The following KCNQ1 variants were observed in gnomAD, a reference collection of about 807,000 sequenced individuals.
KCNQ1 encodes the protein potassium voltage-gated channel subfamily KQT member 1.
Under a neutral mutation model 72.4 loss-of-function variants are expected in KCNQ1, and 49 were observed. The ratio of observed to expected loss-of-function variants is 0.68; its 90% CI spans 0.54 to 0.86. The LOEUF is 0.86. KCNQ1 is among the 40% of genes least tolerant of loss of function. KCNQ1 has a pLI of 0.00. For synonymous variants in KCNQ1, 450 were observed against 412.6 expected (o/e 1.09, Z -1.10); for missense variants, 790 against 945.1 (o/e 0.84, Z 2.15).
intron 15 of KCNQ1, among the ~76,000 whole-genome samples, chr11:2,791,707 G>A (rs1393574598): frequency 1.3e-5 from 2 of 152,080 alleles, no homozygotes. Context: ...GGGTGGGGGT[G>A]GGGGGCCCGG....
chr11:2,623,429 T>C lies in KCNQ1; in HGVS notation c.1393+34575T>C, dbSNP rs1849207088. ...ACTCTGTGCACTGCCTATTCAACCC[T>C]TCTTCCCCAACAACCCTTGGCAACC... is the stretch of plus-strand genomic sequence containing the variant. On this transcript the variant is annotated intron_variant, in intron 10 of 15. Coordinates refer to ENST00000155840, the MANE Select transcript of KCNQ1 (RefSeq NM_000218.3). The surrounding 1 kb of genome is among the most constrained non-coding windows in gnomAD (Gnocchi z 5.2). 1 of 398,510 alleles carries C rather than the reference T, an allele frequency of 2.5e-6. No individual in the cohort carries two copies. Among genetic ancestry groups the C allele is most frequent in the Non-Finnish European group, 4.4e-6 (1 of 226,080 alleles). 24.7% of individuals were successfully genotyped at this position (398,510 alleles called of 1,614,324 possible).
Position 2,783,635 on chromosome 11 carries a change from A to G in KCNQ1, c.1794+5598A>G, listed in dbSNP as rs905178914. Among the ~76,000 whole-genome samples, 1 of 152,078 alleles carries G rather than the reference A, an allele frequency of 6.6e-6. No individual in the cohort carries two copies. The highest frequency in any genetic ancestry group is 1.5e-5 in the Non-Finnish European group (1 of 67,896). On this transcript the variant is annotated intron_variant, in intron 15 of 15. Coordinates refer to ENST00000155840, the MANE Select transcript of KCNQ1 (RefSeq NM_000218.3). The surrounding 1 kb of genome is among the most constrained non-coding windows in gnomAD (Gnocchi z 5.2). ...TTGCTTTCTCACCAGTAAAGTATAA[A>G]GGTTCCACTTTCTCCACAGCCTTGC...
chr11:2,745,778 C>T lies in KCNQ1; in HGVS notation c.1515-23066C>T, dbSNP rs867043826. 3.9e-5 allele frequency among the ~76,000 whole-genome samples: 6 copies of T among 152,262 alleles called. No individual in the cohort carries two copies. The highest frequency in any genetic ancestry group is 1.4e-4 in the African/African-American group (6 of 41,470). Reference sequence around the variant, plus strand: ...GCGTGCCTTGGAGAAGGCCGCTCAGCGAGGGCCGCCTTCAGGCCTGAGCCC... The same window carrying T: ...GCGTGCCTTGGAGAAGGCCGCTCAGTGAGGGCCGCCTTCAGGCCTGAGCCC... On this transcript the variant is annotated intron_variant, in intron 11 of 15. Coordinates refer to ENST00000155840, the MANE Select transcript of KCNQ1 (RefSeq NM_000218.3). The surrounding 1 kb of genome is among the most constrained non-coding windows in gnomAD (Gnocchi z 6.2).
In KCNQ1 at chr11:2,565,192, C is replaced by G. The variant is rs899307776; in HGVS notation, c.478-5436C>G. Among the ~76,000 whole-genome samples, 1 of 152,152 alleles carries G rather than the reference C, an allele frequency of 6.6e-6. No homozygotes were observed. The highest frequency in any genetic ancestry group is 1.5e-5 in the Non-Finnish European group (1 of 68,030). On this transcript the variant is annotated intron_variant, in intron 2 of 15. Transcript: ENST00000155840. This position sits in a 1 kb window ranked among gnomAD's most constrained non-coding sequence, Gnocchi z 5.6. ...GTTTTAGGTTCACAGCAAAATCGAGCGGCTGGTCATTTCACGCTTTAAAGG... is the reference window on the plus strand; with the variant it reads ...GTTTTAGGTTCACAGCAAAATCGAGGGGCTGGTCATTTCACGCTTTAAAGG...
Position 2,543,055 on chromosome 11 carries a change from C to G in KCNQ1, c.477+15037C>G, listed in dbSNP as rs2412061. Among the ~76,000 whole-genome samples the G allele has an allele frequency of 0.017, 2,556 of 152,306 alleles. 77 individuals are homozygous for G. Among genetic ancestry groups the G allele is most frequent in the African/African-American group, 0.058 (2,421 of 41,552 alleles). ...GGCATCCTGCTGTGGTTTTAACTTT[C>G]ATTTCCTAAGGACCAGTGATGTTGA... is the stretch of plus-strand genomic sequence containing the variant. On this transcript the variant is annotated intron_variant, in intron 2 of 15. Transcript: ENST00000155840. The surrounding 1 kb of genome is among the most constrained non-coding windows in gnomAD (Gnocchi z 5.6).
intron 1 of KCNQ1, among the ~76,000 whole-genome samples, chr11:2,487,116 T>C (rs1191061142): frequency 6.6e-6 from 1 of 152,200 alleles, no homozygotes; most frequent in Non-Finnish European, 1.5e-5. Context: ...CCCAGCACCA[T>C]TTGTTGAAAA....
At chr11:2,778,992 C>T (rs569825172) in intron 15 of KCNQ1, among the ~76,000 whole-genome samples, 5 of 152,316 alleles carry the variant, frequency 3.3e-5, no homozygotes, top group East Asian at 3.9e-4. Flanking sequence ...CTGGGGCGGC[C>T]GTGGGGCCCT....
At chr11:2,756,981 A>AAAAAAAAAAAAAAAAAAAAAAC (rs58902386) in intron 11 of KCNQ1, among the ~76,000 whole-genome samples, 1 of 115,218 alleles carries the variant, frequency 8.7e-6, no homozygotes, top group African/African-American at 3.2e-5. Flanking sequence ...AAAAAAAAAA[A>AAAAAAAAAAAAAAAAAAAAAAC]CCCACAGCTA....
In KCNQ1 at chr11:2,513,896, C is replaced by T. The variant is rs1399569885; in HGVS notation, c.387-14032C>T. ...TTCACCTGCCCGGCTAAAGCCCCAC[C>T]TGCCTATTTCAAGGCCTCTGATGCC... On this transcript the variant is annotated intron_variant, in intron 1 of 15. Coordinates refer to ENST00000155840, the MANE Select transcript of KCNQ1 (RefSeq NM_000218.3). Among the ~76,000 whole-genome samples, 4 of 152,344 alleles carry T rather than the reference C, an allele frequency of 2.6e-5. No individual in the cohort carries two copies. In the East Asian group the frequency reaches 7.7e-4, roughly 29 times the overall value.
At chr11:2,584,411 TTC>T (rs1848555168) in intron 7 of KCNQ1, among the ~76,000 whole-genome samples, 1 of 146,494 alleles carries the variant, frequency 6.8e-6, no homozygotes, top group African/African-American at 2.7e-5. Flanking sequence ...GTGTTTGTGT[TTC>T]TGTGTTAGTG....
chr11:2,481,628 A>G lies in KCNQ1; in HGVS notation c.386+36144A>G, dbSNP rs1846652334. Among the ~76,000 whole-genome samples, 2 of 152,136 alleles carry G rather than the reference A, an allele frequency of 1.3e-5. No homozygotes were observed. The highest frequency in any genetic ancestry group is 4.1e-4 in the South Asian group (2 of 4,820). On this transcript the variant is annotated intron_variant, in intron 1 of 15. Transcript: ENST00000155840. This position sits in a 1 kb window ranked among gnomAD's most constrained non-coding sequence, Gnocchi z 4.6. ...TTTACAGTCACTCCCCATCACTCGC[A>G]TTACCGCGTGAGCTCTGCCTCCTAT...
chr11:2,832,307 T>G (rs1847968587), intron 15 of KCNQ1, among the ~76,000 whole-genome samples: 1 of 152,180 alleles, frequency 6.6e-6, no homozygotes, highest in African/African-American at 2.4e-5. Context: ...ATGAGGGACT[T>G]GAAGGCTCAG....
Position 2,601,367 on chromosome 11 carries a change from C to G in KCNQ1, c.1393+12513C>G, listed in dbSNP as rs985715778. Among the ~76,000 whole-genome samples the G allele has an allele frequency of 9.2e-5, 14 of 152,126 alleles. No homozygotes were observed. Among genetic ancestry groups the G allele is most frequent in the African/African-American group, 3.4e-4 (14 of 41,412 alleles). On this transcript the variant is annotated intron_variant, in intron 10 of 15. Coordinates refer to ENST00000155840, the MANE Select transcript of KCNQ1 (RefSeq NM_000218.3). The surrounding 1 kb of genome is among the most constrained non-coding windows in gnomAD (Gnocchi z 5.2). ...TGCCCGTTTAAAAAAATGAGACTTTCAAGCTTTTTATTTTTAGACATTCAT... is the reference window on the plus strand; with the variant it reads ...TGCCCGTTTAAAAAAATGAGACTTTGAAGCTTTTTATTTTTAGACATTCAT...
Position 2,450,771 on chromosome 11 carries a change from G to C in KCNQ1, c.386+5287G>C, listed in dbSNP as rs1846109881. Among the ~76,000 whole-genome samples, 1 of 152,164 alleles carries C rather than the reference G, an allele frequency of 6.6e-6. No homozygotes were observed. Among genetic ancestry groups the C allele is most frequent in the Non-Finnish European group, 1.5e-5 (1 of 68,034 alleles). On this transcript the variant is annotated intron_variant, in intron 1 of 15. Coordinates refer to ENST00000155840, the MANE Select transcript of KCNQ1 (RefSeq NM_000218.3). This position sits in a 1 kb window ranked among gnomAD's most constrained non-coding sequence, Gnocchi z 7.9. ...GAGGCGGCTGGTGTCTCTGGTACTG[G>C]CTGGGTGACCACAGGGATGCCGCGT...
intron 1 of KCNQ1, among the ~76,000 whole-genome samples, chr11:2,496,931 G>A (rs1048962505): frequency 2.6e-5 from 4 of 152,040 alleles, no homozygotes; most frequent in Non-Finnish European, 5.9e-5. Flanking sequence ...ATGAAGCTTA[G>A]TTTGGCTGGA....
intron 6 of KCNQ1, among the ~76,000 whole-genome samples, chr11:2,573,701 C>T (rs993590800): frequency 6.6e-6 from 1 of 152,134 alleles, no homozygotes; most frequent in African/African-American, 2.4e-5. Flanking sequence ...CGGTGTGCAG[C>T]AGGCAGATCC....
chr11:2,457,641 A>AGGGGGGGGG lies in KCNQ1; in HGVS notation c.386+12161_386+12162insGGGGGGGGG, dbSNP rs1846216578. On this transcript the variant is annotated intron_variant, in intron 1 of 15. Transcript: ENST00000155840. This position sits in a 1 kb window ranked among gnomAD's most constrained non-coding sequence, Gnocchi z 5.0. ...GGAATACAAGAGTGGGGAGGGGGGA[A>AGGGGGGGGG]GGGGAGCAAGGTTTGAAAAGTTACC... 6.6e-6 allele frequency among the ~76,000 whole-genome samples: 1 copy of AGGGGGGGGG among 151,518 alleles called. No individual in the cohort carries two copies. Among genetic ancestry groups the AGGGGGGGGG allele is most frequent in the African/African-American group, 2.4e-5 (1 of 40,904 alleles).
intron 2 of KCNQ1, among the ~76,000 whole-genome samples, chr11:2,553,466 T>C (rs954722502): frequency 1.3e-5 from 2 of 151,926 alleles, no homozygotes; most frequent in Non-Finnish European, 1.5e-5. Context: ...GAATAGAGAG[T>C]GCGTCAAGAA....
In KCNQ1 at chr11:2,509,965, C is replaced by G. The variant is rs1847169413; in HGVS notation, c.387-17963C>G. Among the ~76,000 whole-genome samples, 1 of 152,140 alleles carries G rather than the reference C, an allele frequency of 6.6e-6. No individual in the cohort carries two copies. The highest frequency in any genetic ancestry group is 2.4e-5 in the African/African-American group (1 of 41,430). Reference sequence around the variant, plus strand: ...ATGTCCTGGCATCTGACTTTGGTTTCCTGGTGTTTAAAGGCTAATTGGGAT... The same window carrying G: ...ATGTCCTGGCATCTGACTTTGGTTTGCTGGTGTTTAAAGGCTAATTGGGAT... On this transcript the variant is annotated intron_variant, in intron 1 of 15. Coordinates refer to ENST00000155840, the MANE Select transcript of KCNQ1 (RefSeq NM_000218.3). The surrounding 1 kb of genome is among the most constrained non-coding windows in gnomAD (Gnocchi z 6.3).
Sources: allele counts gnomAD v4.1 joint callset (sites outside exome capture counted in the v4.1 genomes callset), GRCh38; gene constraint gnomAD v4.1.1; non-coding constraint Gnocchi (gnomAD v3.1); transcripts MANE v1.5; gene names NCBI Gene and HGNC (gene_info 2026-07-23, HGNC 2026-07-21).